Variants in SHISA9 observed in about 807,000 individuals in gnomAD.
The protein encoded by SHISA9 is shisa family member 9, also known as protein shisa-9.
In SHISA9, 13 loss-of-function variants were observed where a neutral mutation model predicts 38.0. The ratio of observed to expected loss-of-function variants is 0.34; its 90% CI spans 0.22 to 0.54. The LOEUF is 0.54. SHISA9 is among the 20% of genes least tolerant of loss of function. The probability of loss-of-function intolerance (pLI) is 0.91; values close to 1 mark genes in which losing one functional copy is unlikely to be tolerated. For synonymous variants in SHISA9, 275 were observed against 242.0 expected (o/e 1.14, Z -1.27); for missense variants, 538 against 575.8 (o/e 0.93, Z 0.67).
chr16:13,301,588 C>G, the SHISA9 span, among the ~76,000 whole-genome samples: 34 of 152,222 alleles, frequency 2.2e-4, no homozygotes, highest in Non-Finnish European at 4.6e-4. Flanking sequence ...AAAATTATAA[C>G]TAAGCACCTG....
intron 2 of SHISA9, among the ~76,000 whole-genome samples, chr16:13,157,443 C>T (rs980017829): frequency 8.5e-5 from 13 of 152,190 alleles, no homozygotes; most frequent in Admixed American, 7.2e-4. Context: ...TTTGCTGTAA[C>T]TGGACAAGTT....
At chr16:13,499,385 G>A in the SHISA9 span, among the ~76,000 whole-genome samples, 1 of 152,146 alleles carries the variant, frequency 6.6e-6, no homozygotes, top group African/African-American at 2.4e-5. Flanking sequence ...TGCTCTGTAA[G>A]AATACACAAA....
At chr16:13,120,658 G>T (rs1455941904) in intron 2 of SHISA9, among the ~76,000 whole-genome samples, 1 of 152,176 alleles carries the variant, frequency 6.6e-6, no homozygotes, top group Non-Finnish European at 1.5e-5. Context: ...AGCCCTGGAA[G>T]GTTGGCAAAG....
intron 2 of SHISA9, among the ~76,000 whole-genome samples, chr16:13,064,626 A>G (rs548293196): frequency 6.6e-6 from 1 of 152,182 alleles, no homozygotes; most frequent in Non-Finnish European, 1.5e-5. Flanking sequence ...CTAGTAGCCA[A>G]TAACGGAAGT....
intron 2 of SHISA9, among the ~76,000 whole-genome samples, chr16:13,140,580 G>A (rs1390324230): frequency 6.6e-6 from 1 of 152,166 alleles, no homozygotes; most frequent in African/African-American, 2.4e-5. Context: ...TTAATTTACA[G>A]CAAGTTCTGC....
chr16:13,119,147 G>C (rs985882312), intron 2 of SHISA9, among the ~76,000 whole-genome samples: 1 of 151,820 alleles, frequency 6.6e-6, no homozygotes, highest in Non-Finnish European at 1.5e-5. Flanking sequence ...GATTACAGGC[G>C]TGAGCCACCG....
At chr16:13,156,484 C>T (rs2050548182) in intron 2 of SHISA9, among the ~76,000 whole-genome samples, 1 of 152,086 alleles carries the variant, frequency 6.6e-6, no homozygotes, top group Non-Finnish European at 1.5e-5. Context: ...CCTGTAATCC[C>T]AGCACTTTAG....
At chr16:13,458,655 A>G in the SHISA9 span, 48 of 327,340 alleles carry the variant, frequency 1.5e-4, no homozygotes, top group Admixed American at 3.1e-4. Context: ...ATGGAGAAAA[A>G]GCAGAAGAGG....
chr16:13,547,929 C>T, the SHISA9 span, among the ~76,000 whole-genome samples: 2 of 152,016 alleles, frequency 1.3e-5, no homozygotes, highest in African/African-American at 4.8e-5. Flanking sequence ...GCTGAAAGGA[C>T]AAAGCTGGTG....
intron 4 of SHISA9, among the ~76,000 whole-genome samples, chr16:13,224,223 A>G (rs970482783): frequency 2.0e-5 from 3 of 152,208 alleles, no homozygotes; most frequent in Non-Finnish European, 4.4e-5. Flanking sequence ...GACTTCTGAT[A>G]TACCCAAACA....
the SHISA9 span, among the ~76,000 whole-genome samples, chr16:13,446,091 C>T: frequency 5.9e-5 from 9 of 151,948 alleles, 1 homozygote; most frequent in East Asian, 3.9e-4. Flanking sequence ...TACAGGTGCC[C>T]GCCACCATGC....
rs1260547129 is a variant in SHISA9 at position 13,236,491 on chromosome 16, A to C, written c.*1082A>C. ...ATGTCCCTGACATCCCTTTCCCTTC[A>C]GCGCGTTGCCGCCGCCGCTGCCAAA... On this transcript the variant is annotated 3_prime_UTR_variant, in exon 5 of 5. Transcript: ENST00000558583. The C allele has an allele frequency of 6.6e-6, 1 of 152,268 alleles. No individual in the cohort carries two copies. The highest frequency in any genetic ancestry group is 1.5e-5 in the Non-Finnish European group (1 of 68,066). The allele number at this position is 152,268 out of a possible 1,614,324, so 9.4% of individuals were successfully genotyped here.
the SHISA9 span, among the ~76,000 whole-genome samples, chr16:13,262,665 G>GGAGGGAGGAAGGAAGA: frequency 7.0e-5 from 8 of 114,806 alleles, no homozygotes; most frequent in Non-Finnish European, 9.6e-5. Context: ...AGGAAGGAAG[G>GGAGGGAGGAAGGAAGA]AAGGAAGGGA....
At chr16:13,131,466 T>C (rs149789639) in intron 2 of SHISA9, among the ~76,000 whole-genome samples, 24 of 152,028 alleles carry the variant, frequency 1.6e-4, no homozygotes, top group Non-Finnish European at 3.4e-4. Flanking sequence ...GGGCCTGTTG[T>C]AGAGGTTGTG....
chr16:13,242,214 C>T (rs1024520497), downstream of SHISA9, among the ~76,000 whole-genome samples: 9 of 152,180 alleles, frequency 5.9e-5, no homozygotes, highest in Non-Finnish European at 1.2e-4. Flanking sequence ...AACTCCAGAG[C>T]TCATGCTTTA....
chr16:13,345,250 C>T, the SHISA9 span, among the ~76,000 whole-genome samples: 2 of 152,110 alleles, frequency 1.3e-5, no homozygotes, highest in African/African-American at 4.8e-5. Flanking sequence ...CTGATCCTCT[C>T]CCTCCTCCCA....
intron 2 of SHISA9, among the ~76,000 whole-genome samples, chr16:13,088,225 C>G (rs913988002): frequency 6.6e-6 from 1 of 152,072 alleles, no homozygotes; most frequent in African/African-American, 2.4e-5. Context: ...GTTACTGTGG[C>G]CTTGTAGTAT....
the SHISA9 span, among the ~76,000 whole-genome samples, chr16:13,289,258 A>G: frequency 6.6e-6 from 1 of 151,604 alleles, no homozygotes; most frequent in African/African-American, 2.4e-5. Context: ...TCTGGCTAAA[A>G]AGGTGGGCAG....
At chr16:13,491,336 A>G in the SHISA9 span, among the ~76,000 whole-genome samples, 1 of 152,084 alleles carries the variant, frequency 6.6e-6, no homozygotes, top group African/African-American at 2.4e-5. Context: ...TGTGTAACAG[A>G]AATTGTCCTA....
Sources: gnomAD v4.1 joint callset for allele counts (sites outside exome capture counted in the v4.1 genomes callset) on GRCh38, gnomAD v4.1.1 for gene constraint, MANE v1.5 for transcripts, NCBI Gene and HGNC (gene_info 2026-07-23, HGNC 2026-07-21) for gene names.